Variants in SH3PXD2B observed in about 807,000 individuals in gnomAD.
SH3PXD2B encodes SH3 and PX domain-containing protein 2B.
A neutral mutation model predicts 73.1 loss-of-function variants in SH3PXD2B; 37 were observed. The observed-to-expected ratio is 0.51, with a 90% CI of 0.39 to 0.67. The LOEUF is 0.67. Among genes scored for constraint, SH3PXD2B ranks in the 30% least tolerant of loss-of-function variants. The pLI is 0.00. For missense variants in SH3PXD2B, 1,053 were observed against 1,197.8 expected (o/e 0.88, Z 1.78); for synonymous variants, 457 against 480.5 (o/e 0.95, Z 0.64).
intron 6 of SH3PXD2B, among the ~76,000 whole-genome samples, chr5:172,368,710 T>TTATATATATATAAAATATATATATA (rs1757627682): frequency 3.6e-5 from 3 of 83,024 alleles, no homozygotes; most frequent in Non-Finnish European, 6.4e-5. Context: ...TATATATATA[T>TTATATATATATAAAATATATATATA]TATATATATA....
In SH3PXD2B at chr5:172,353,690, T is replaced by G. The variant is rs1757208170; in HGVS notation, c.785+198A>C. On this transcript the variant is annotated intron_variant, in intron 9 of 12. Transcript: ENST00000311601. This position sits in a 1 kb window ranked among gnomAD's most constrained non-coding sequence, Gnocchi z 4.3. ...TGTTTGGAGAAAGTTTTGCTTATCA[T>G]GGACTTTTAGGGAAGGATATGGGTA... Among the ~76,000 whole-genome samples the G allele has an allele frequency of 6.6e-6, 1 of 152,158 alleles. No individual in the cohort carries two copies. The highest frequency in any genetic ancestry group is 2.1e-4 in the South Asian group (1 of 4,830).
rs1268714039 is a variant in SH3PXD2B, at chr5:172,353,820, T to C, written c.785+68A>G. On this transcript the variant is annotated intron_variant, in intron 9 of 12. Transcript: ENST00000311601. The surrounding 1 kb of genome is among the most constrained non-coding windows in gnomAD (Gnocchi z 4.3). ...CCGACCTCTGTGAGGCCAGAGTCCC[T>C]GTGACCCCAAACCCACCCAGCGTGA... The C allele has an allele frequency of 4.7e-6, 6 of 1,270,124 alleles. No homozygotes were observed. The highest frequency in any genetic ancestry group is 1.5e-5 in the African/African-American group (1 of 68,028). 78.7% of individuals were successfully genotyped at this position (1,270,124 alleles called of 1,614,324 possible). A position where few individuals can be genotyped will look rare whatever the true frequency, so the allele number is the denominator to read the frequency against.
At chr5:172,425,927 A>G (rs1221466711) in intron 1 of SH3PXD2B, among the ~76,000 whole-genome samples, 4 of 152,134 alleles carry the variant, frequency 2.6e-5, no homozygotes, top group Admixed American at 6.5e-5. Context: ...CAGAAAGGGA[A>G]AATACTGTAC....
chr5:172,384,673 C>T (rs1353166159), intron 4 of SH3PXD2B, among the ~76,000 whole-genome samples: 2 of 152,240 alleles, frequency 1.3e-5, no homozygotes, highest in Non-Finnish European at 2.9e-5. Flanking sequence ...ATGCTTGCAG[C>T]AGGCGTAAAC....
At chr5:172,435,333 T>G (rs1759349348) in intron 1 of SH3PXD2B, among the ~76,000 whole-genome samples, 1 of 152,222 alleles carries the variant, frequency 6.6e-6, no homozygotes, top group Non-Finnish European at 1.5e-5. Flanking sequence ...TTTGTGGATA[T>G]GTCAAAAATT....
intron 1 of SH3PXD2B, among the ~76,000 whole-genome samples, chr5:172,431,523 T>G (rs1226847875): frequency 1.3e-5 from 2 of 152,114 alleles, no homozygotes; most frequent in Admixed American, 6.5e-5. Context: ...ATGATGAGGG[T>G]TTTTGTGCAA....
chr5:172,390,411 G>A (rs1255825642), intron 4 of SH3PXD2B, among the ~76,000 whole-genome samples: 1 of 152,236 alleles, frequency 6.6e-6, no homozygotes, highest in African/African-American at 2.4e-5. Context: ...TAGAGCTGGA[G>A]TCTTGCTCTG....
At chr5:172,332,846 T>A (rs934631783), downstream of SH3PXD2B, among the ~76,000 whole-genome samples, 1 of 151,890 alleles carries the variant, frequency 6.6e-6, no homozygotes, top group African/African-American at 2.4e-5. Flanking sequence ...CGTTAGGCAG[T>A]GTGCTCCACC....
intron 3 of SH3PXD2B, among the ~76,000 whole-genome samples, chr5:172,404,694 C>T (rs1758512792): frequency 1.3e-5 from 2 of 152,164 alleles, no homozygotes; most frequent in Non-Finnish European, 2.9e-5. Flanking sequence ...ATAGTAAGTG[C>T]TTGATAGCTG....
intron 1 of SH3PXD2B, among the ~76,000 whole-genome samples, chr5:172,449,291 G>A (rs766876746): frequency 2.0e-5 from 3 of 152,148 alleles, no homozygotes; most frequent in Non-Finnish European, 2.9e-5. Context: ...AGGGGAAACC[G>A]GGGTCCAGAA....
intron 10 of SH3PXD2B, 50 bp from the exon 11 acceptor site, chr5:172,347,382 T>C (rs747061599): frequency 6.3e-7 from 1 of 1,592,978 alleles, no homozygotes; most frequent in Non-Finnish European, 8.6e-7. Context: ...ATGAGATTCC[T>C]GAGCTGGGTG....
chr5:172,388,430 G>A (rs1448122899), intron 4 of SH3PXD2B, among the ~76,000 whole-genome samples: 1 of 152,110 alleles, frequency 6.6e-6, no homozygotes, highest in African/African-American at 2.4e-5. Context: ...CTGAGCCCAG[G>A]AAATCTGGCC....
chr5:172,434,770 C>T (rs1345945337), intron 1 of SH3PXD2B, among the ~76,000 whole-genome samples: 1 of 100,078 alleles, frequency 1.0e-5, no homozygotes, highest in African/African-American at 4.5e-5. Context: ...TCCTGGGATG[C>T]AATGGCCAAT....
At chr5:172,379,493 C>T (rs1757895793) in intron 5 of SH3PXD2B, among the ~76,000 whole-genome samples, 1 of 152,060 alleles carries the variant, frequency 6.6e-6, no homozygotes, top group East Asian at 1.9e-4. Flanking sequence ...TTGTTTAAGC[C>T]ACCCAGTCTG....
chr5:172,325,643 A>C (rs1414710380), intron 12 of SH3PXD2B, among the ~76,000 whole-genome samples: 1 of 152,216 alleles, frequency 6.6e-6, no homozygotes, highest in Non-Finnish European at 1.5e-5. Context: ...GTGTCCTGGC[A>C]GGGCAGAAGA....
chr5:172,358,228 A>G (rs1490180269), intron 8 of SH3PXD2B, among the ~76,000 whole-genome samples: 1 of 152,158 alleles, frequency 6.6e-6, no homozygotes, highest in Non-Finnish European at 1.5e-5. Flanking sequence ...CTAGCGGGGA[A>G]AGGGAGTTGG....
At chr5:172,389,140 C>T (rs949670174) in intron 4 of SH3PXD2B, among the ~76,000 whole-genome samples, 4 of 151,026 alleles carry the variant, frequency 2.6e-5, no homozygotes, top group African/African-American at 9.8e-5. Context: ...ACTGCAACCT[C>T]TGCCTTCTGG....
chr5:172,418,663 C>T (rs562738637), intron 2 of SH3PXD2B, among the ~76,000 whole-genome samples: 3 of 152,242 alleles, frequency 2.0e-5, no homozygotes, highest in Admixed American at 6.5e-5. Context: ...GGGGAGGAGG[C>T]GGCCGGTTCC....
Position 172,335,120 on chromosome 5 carries a change from C to T in SH3PXD2B, c.*3249G>A. On this transcript the variant is annotated 3_prime_UTR_variant, in exon 13 of 13. Coordinates refer to ENST00000311601, the MANE Select transcript of SH3PXD2B (RefSeq NM_001017995.3). ...ACATGTGAGCAAAGGCCTCTTTTAT[C>T]AAGAGGTGGTCTTAGACTCAGGGTT... The T allele has an allele frequency of 1.0e-6, 1 of 986,586 alleles. No homozygotes were observed. Among genetic ancestry groups the T allele is most frequent in the East Asian group, 1.1e-4 (1 of 8,858 alleles). The allele number at this position is 986,586 out of a possible 1,614,324, so 61.1% of individuals were successfully genotyped here.
Sources: gnomAD v4.1 joint callset for allele counts (sites outside exome capture counted in the v4.1 genomes callset) on GRCh38, gnomAD v4.1.1 for gene constraint, Gnocchi (gnomAD v3.1) non-coding constraint, MANE v1.5 for transcripts, NCBI Gene and HGNC (gene_info 2026-07-23, HGNC 2026-07-21) for gene names.